MTA3: variants seen among roughly 807,000 people sequenced by gnomAD.
MTA3 encodes the protein metastasis-associated protein MTA3.
Under a neutral mutation model 83.5 loss-of-function variants are expected in MTA3, and 34 were observed. That is an observed-to-expected ratio of 0.41 (90% CI 0.31 to 0.54). The LOEUF is 0.54. MTA3 is among the 20% of genes least tolerant of loss of function. MTA3 has a pLI of 0.33. For synonymous variants in MTA3, 303 were observed against 252.7 expected, an observed-to-expected ratio of 1.20 and a Z score of -1.89; for missense variants, 761 against 726.4, an observed-to-expected ratio of 1.05 and a Z score of -0.55.
intron 4 of MTA3, among the ~76,000 whole-genome samples, chr2:42,629,697 G>A (rs1212704949): frequency 6.6e-6 from 1 of 152,138 alleles, no homozygotes; most frequent in Non-Finnish European, 1.5e-5. Flanking sequence ...GTCATGAAGT[G>A]AGGGATAAAG....
At chr2:42,662,770 C>T (rs1186514805) in intron 8 of MTA3, among the ~76,000 whole-genome samples, 22 of 148,634 alleles carry the variant, frequency 1.5e-4, no homozygotes, top group Admixed American at 4.0e-4. Context: ...CTCGCCCTGT[C>T]GCCCAGGCTG....
At position 42,601,593 on chromosome 2, in the gene MTA3, G is replaced by A. The variant is rs1682581626; in HGVS notation, c.191-7865G>A. 2.0e-5 allele frequency among the ~76,000 whole-genome samples: 3 copies of A among 152,144 alleles called. No individual in the cohort carries two copies. The South Asian group carries it at 6.2e-4, about 31-fold the overall frequency. On this transcript the variant is annotated intron_variant, in intron 3 of 16. Transcript: ENST00000405094. ...TGTAGACATGAGGTGTTACTATATT[G>A]CTCAGGCCAGTCTTGAACTTCCAGG... is the stretch of plus-strand genomic sequence containing the variant.
intron 4 of MTA3, among the ~76,000 whole-genome samples, chr2:42,625,608 G>C: frequency 6.7e-6 from 1 of 150,372 alleles, no homozygotes; most frequent in East Asian, 2.1e-4. Flanking sequence ...TTAGCTGGGC[G>C]TGGTGGCAGG....
intron 2 of MTA3, chr2:42,511,621 C>T (rs1558405562): frequency 6.6e-6 from 1 of 152,278 alleles, no homozygotes; most frequent in East Asian, 1.9e-4. Flanking sequence ...GAGGCTGAGG[C>T]AGGAGAATCG....
At chr2:42,700,332 C>T (rs961716099) in intron 11 of MTA3, among the ~76,000 whole-genome samples, 1 of 152,220 alleles carries the variant, frequency 6.6e-6, no homozygotes, top group Non-Finnish European at 1.5e-5. Context: ...CAGATTGTCA[C>T]AATGACATCA....
At chr2:42,541,663 A>C in intron 2 of MTA3, among the ~76,000 whole-genome samples, 1 of 152,120 alleles carries the variant, frequency 6.6e-6, no homozygotes, top group South Asian at 2.1e-4. Flanking sequence ...TGGTAACCCC[A>C]TCATCAGTTG....
chr2:42,624,503 T>C (rs1256432124), intron 4 of MTA3, among the ~76,000 whole-genome samples: 1 of 152,054 alleles, frequency 6.6e-6, no homozygotes, highest in Non-Finnish European at 1.5e-5. Flanking sequence ...GTATTTTCAG[T>C]AGAGACAGGG....
At chr2:42,609,851 C>T (rs1322968156) in intron 4 of MTA3, among the ~76,000 whole-genome samples, 1 of 152,218 alleles carries the variant, frequency 6.6e-6, no homozygotes, top group Non-Finnish European at 1.5e-5. Context: ...GTAATTCCAG[C>T]ACTTTGGGAG....
At chr2:42,614,968 C>G (rs1684673589) in intron 4 of MTA3, among the ~76,000 whole-genome samples, 1 of 116,434 alleles carries the variant, frequency 8.6e-6, no homozygotes, top group Admixed American at 9.9e-5. Context: ...CAGAGCAAGA[C>G]TCTGTCTTAA....
chr2:42,541,671 T>C (rs182556132), intron 2 of MTA3, among the ~76,000 whole-genome samples: 1 of 152,174 alleles, frequency 6.6e-6, no homozygotes, highest in Non-Finnish European at 1.5e-5. Flanking sequence ...CCATCATCAG[T>C]TGAGGGGCAT....
chr2:42,660,903 A>G (rs1689632768), intron 8 of MTA3, among the ~76,000 whole-genome samples: 1 of 151,516 alleles, frequency 6.6e-6, no homozygotes, highest in African/African-American at 2.4e-5. Flanking sequence ...CTGGTCTTGA[A>G]CTCCTCCTGG....
chr2:42,565,130 G>T (rs568684240), upstream of MTA3, among the ~76,000 whole-genome samples: 117 of 151,952 alleles, frequency 7.7e-4, 1 homozygote, highest in African/African-American at 2.7e-3. Flanking sequence ...CCATCCCTAC[G>T]TTGAGACAAA....
At chr2:42,580,393 A>T (rs985008175) in intron 3 of MTA3, among the ~76,000 whole-genome samples, 1 of 150,676 alleles carries the variant, frequency 6.6e-6, no homozygotes, top group Non-Finnish European at 1.5e-5. Context: ...TTATTTTGAG[A>T]TTGAGTCTTG....
At chr2:42,681,428 C>T (rs1021467040) in intron 8 of MTA3, among the ~76,000 whole-genome samples, 6 of 152,174 alleles carry the variant, frequency 3.9e-5, no homozygotes, top group African/African-American at 1.4e-4. Flanking sequence ...CTCTCTGATA[C>T]ATAATCTGTA....
At chr2:42,540,073 A>G (rs931316360) in intron 2 of MTA3, among the ~76,000 whole-genome samples, 6 of 152,010 alleles carry the variant, frequency 3.9e-5, no homozygotes, top group African/African-American at 1.4e-4. Flanking sequence ...GATCTGATGG[A>G]TCCAGTGCAT....
chr2:42,749,155 G>A (rs1462872724), intron 16 of MTA3, among the ~76,000 whole-genome samples: 2 of 152,230 alleles, frequency 1.3e-5, no homozygotes, highest in African/African-American at 2.4e-5. Context: ...GAGTTTGTAT[G>A]TAGATTTGAG....
intron 3 of MTA3, among the ~76,000 whole-genome samples, chr2:42,597,874 G>A (rs576024908): frequency 6.6e-6 from 1 of 151,550 alleles, no homozygotes; most frequent in South Asian, 2.1e-4. Context: ...TAGAGACAGG[G>A]TTTTGCCACG....
chr2:42,622,229 C>T (rs1436987593), intron 4 of MTA3, among the ~76,000 whole-genome samples: 2 of 152,162 alleles, frequency 1.3e-5, no homozygotes, highest in Non-Finnish European at 2.9e-5. Flanking sequence ...ACAGCGAAAC[C>T]CCGTCTCCAC....
chr2:42,559,274 G>T (rs1191915478), intron 2 of MTA3, among the ~76,000 whole-genome samples: 1 of 152,044 alleles, frequency 6.6e-6, no homozygotes, highest in African/African-American at 2.4e-5. Flanking sequence ...GGTCAAGGAG[G>T]GTGGATCACA....
Sources: gnomAD v4.1 joint callset for allele counts (sites outside exome capture counted in the v4.1 genomes callset) on GRCh38, gnomAD v4.1.1 for gene constraint, MANE v1.5 for transcripts, NCBI Gene and HGNC (gene_info 2026-07-23, HGNC 2026-07-21) for gene names.